The following GLIS3 variants were observed in gnomAD, a reference collection of about 807,000 sequenced individuals.
GLIS3 encodes zinc finger protein GLIS3.
In GLIS3, 53 loss-of-function variants were observed where a neutral mutation model predicts 78.6. That is an observed-to-expected ratio of 0.67 (90% CI 0.54 to 0.85). The LOEUF (loss-of-function observed/expected upper bound fraction) is 0.85, where lower values mean the gene tolerates loss of function less well. Among genes scored for constraint, GLIS3 ranks in the 40% least tolerant of loss-of-function variants. GLIS3 has a pLI of 0.00. For missense variants in GLIS3, 1,703 were observed against 1,231.1 expected (o/e 1.38, Z -5.74); for synonymous variants, 684 against 509.9 (o/e 1.34, Z -4.60).
chr9:4,064,998 G>A (rs577858109), intron 4 of GLIS3, among the ~76,000 whole-genome samples: 4 of 152,270 alleles, frequency 2.6e-5, no homozygotes, highest in Admixed American at 6.5e-5. Flanking sequence ...GAAAATTAAA[G>A]CTGGCACTGT....
chr9:3,983,318 G>T (rs963263260), intron 4 of GLIS3, among the ~76,000 whole-genome samples: 1 of 152,264 alleles, frequency 6.6e-6, no homozygotes, highest in Non-Finnish European at 1.5e-5. Flanking sequence ...GGAACTGTAA[G>T]TCCATTAAAC....
At chr9:3,911,512 A>G (rs1207488825) in intron 6 of GLIS3, among the ~76,000 whole-genome samples, 1 of 152,194 alleles carries the variant, frequency 6.6e-6, no homozygotes, top group African/African-American at 2.4e-5. Context: ...TGTCTGCCCC[A>G]AACTAAGTTA....
chr9:4,332,025 T>C (rs1234047448), intron 2 of GLIS3, among the ~76,000 whole-genome samples: 1 of 152,178 alleles, frequency 6.6e-6, no homozygotes, highest in African/African-American at 2.4e-5. Context: ...GACAGAAACC[T>C]GTTATCCCTA....
chr9:4,190,659 T>G (rs9776466), intron 2 of GLIS3, among the ~76,000 whole-genome samples: 107,336 of 151,586 alleles, frequency 0.71, 38,536 homozygotes, highest in South Asian at 0.81. Context: ...AGGCCAACAT[T>G]CAGATTCAGG....
chr9:3,991,156 C>T (rs1269176374), intron 4 of GLIS3, among the ~76,000 whole-genome samples: 5 of 152,116 alleles, frequency 3.3e-5, no homozygotes, highest in Non-Finnish European at 7.3e-5. Flanking sequence ...AAGGAGTCAC[C>T]TGCCAGACAT....
the GLIS3 span, among the ~76,000 whole-genome samples, chr9:4,405,354 T>TAA: frequency 3.2e-4 from 42 of 132,108 alleles, no homozygotes; most frequent in East Asian, 7.3e-3. Flanking sequence ...AACTCCATCT[T>TAA]AAAAAAAAAA....
chr9:4,276,459 G>A (rs574602393), intron 2 of GLIS3, among the ~76,000 whole-genome samples: 1 of 12,342 alleles, frequency 8.1e-5, no homozygotes, highest in South Asian at 9.3e-3. Flanking sequence ...AAGGGGAGGG[G>A]AGGGAAGGGG....
At chr9:4,466,507 T>A in the GLIS3 span, among the ~76,000 whole-genome samples, 1 of 152,206 alleles carries the variant, frequency 6.6e-6, no homozygotes, top group Non-Finnish European at 1.5e-5. Context: ...TAACAGAACA[T>A]TAGCCCTCAT....
the GLIS3 span, among the ~76,000 whole-genome samples, chr9:4,451,958 A>C: frequency 1.3e-5 from 2 of 151,854 alleles, no homozygotes; most frequent in Non-Finnish European, 2.9e-5. Flanking sequence ...GCAGCACATC[A>C]AAAAGCTTAT....
At chr9:4,240,281 A>G (rs1302339808) in intron 2 of GLIS3, among the ~76,000 whole-genome samples, 1 of 152,144 alleles carries the variant, frequency 6.6e-6, no homozygotes, top group Non-Finnish European at 1.5e-5. Context: ...CGCACAACCT[A>G]GATCCTCACA....
the GLIS3 span, among the ~76,000 whole-genome samples, chr9:4,408,151 C>A: frequency 2.0e-5 from 3 of 152,088 alleles, no homozygotes; most frequent in African/African-American, 2.4e-5. Context: ...AGGGAACCCT[C>A]GTACGCTGTC....
chr9:4,334,725 A>C (rs895022105), intron 2 of GLIS3, among the ~76,000 whole-genome samples: 1 of 152,106 alleles, frequency 6.6e-6, no homozygotes, highest in East Asian at 1.9e-4. Context: ...TATGAGTCAC[A>C]GCATTCATTC....
chr9:4,196,622 T>G (rs1563737870), intron 2 of GLIS3, among the ~76,000 whole-genome samples: 1 of 152,230 alleles, frequency 6.6e-6, no homozygotes, highest in East Asian at 1.9e-4. Flanking sequence ...GTATGCAGCT[T>G]CACTCCTGAA....
chr9:3,920,129 G>A lies in GLIS3; in HGVS notation c.1983+12231C>T, dbSNP rs556172893. Among the ~76,000 whole-genome samples the A allele has an allele frequency of 3.4e-4, 51 of 150,570 alleles. No homozygotes were observed. The Admixed American group carries it at 3.4e-3, about 10-fold the overall frequency. On this transcript the variant is annotated intron_variant, in intron 6 of 10. Transcript: ENST00000381971. ...CACCATTCTCCCGCCTCAGCCTCCT[G>A]AGTAGCTGGGACTACAGGCGCCCGC...
At chr9:4,301,278 T>C (rs144357406), upstream of GLIS3, among the ~76,000 whole-genome samples, 46 of 152,320 alleles carry the variant, frequency 3.0e-4, no homozygotes, top group Middle Eastern at 3.4e-3. Context: ...GGTCAGGATA[T>C]GTCATTCTGT....
the GLIS3 span, among the ~76,000 whole-genome samples, chr9:4,392,763 C>T: frequency 6.6e-6 from 1 of 152,306 alleles, no homozygotes; most frequent in African/African-American, 2.4e-5. Context: ...CCCAAGGGAG[C>T]ACCTCAGAGT....
intron 4 of GLIS3, among the ~76,000 whole-genome samples, chr9:4,086,378 A>T (rs770263207): frequency 1.3e-4 from 20 of 152,206 alleles, no homozygotes; most frequent in Non-Finnish European, 2.6e-4. Flanking sequence ...CACATCGCTG[A>T]ATATGTCATA....
At chr9:4,145,973 C>CATGG (rs1834195264) in intron 2 of GLIS3, among the ~76,000 whole-genome samples, 1 of 152,158 alleles carries the variant, frequency 6.6e-6, no homozygotes, top group Admixed American at 6.5e-5. Flanking sequence ...TCTGAAAAGG[C>CATGG]ATGGACAATT....
chr9:4,304,231 A>G (rs1227420284), upstream of GLIS3, among the ~76,000 whole-genome samples: 1 of 152,234 alleles, frequency 6.6e-6, no homozygotes, highest in Non-Finnish European at 1.5e-5. Context: ...ACCACACTGC[A>G]AGTATACAAA....
Sources: gnomAD v4.1 joint callset for allele counts (sites outside exome capture counted in the v4.1 genomes callset) on GRCh38, gnomAD v4.1.1 for gene constraint, MANE v1.5 for transcripts, NCBI Gene and HGNC (gene_info 2026-07-23, HGNC 2026-07-21) for gene names.